MYH10: variants seen among roughly 807,000 people sequenced by gnomAD.
MYH10 encodes the protein myosin heavy chain 10.
In MYH10, 55 loss-of-function variants were observed where a neutral mutation model predicts 257.8. The observed-to-expected ratio is 0.21, with a 90% confidence interval of 0.17 to 0.27. The LOEUF (loss-of-function observed/expected upper bound fraction) is 0.27. Ranked by LOEUF, MYH10 falls within the 10% of genes least tolerant of loss-of-function variation. The pLI is 1.00. For synonymous variants in MYH10, 854 were observed against 921.7 expected, an observed-to-expected ratio of 0.93 and a Z score of 1.33; for missense variants, 1,631 against 2,500.6, an observed-to-expected ratio of 0.65 and a Z score of 7.42.
chr17:8,560,484 G>A (rs2082953047), intron 7 of MYH10: 2 of 503,974 alleles, frequency 4.0e-6, no homozygotes, highest in East Asian at 4.8e-5. Flanking sequence ...CAACGCCACT[G>A]TGTTCTTTTG....
intron 7 of MYH10, among the ~76,000 whole-genome samples, chr17:8,568,108 C>T (rs905692406): frequency 6.6e-6 from 1 of 152,128 alleles, no homozygotes; most frequent in Admixed American, 6.5e-5. Context: ...CCATCATCTT[C>T]GTTTGCTGGC....
chr17:8,494,999 G>A lies in MYH10; in HGVS notation c.4056+138C>T, dbSNP rs193078570. ...CCAGGGAGAAATCCCGAGTAGCAAG[G>A]CTGGCTCCAAATAAAAGTATGACAT... On this transcript the variant is annotated intron_variant, in intron 31 of 42. Transcript: ENST00000360416. 35 of 617,288 alleles carry A rather than the reference G, an allele frequency of 5.7e-5. No homozygotes were observed. In the East Asian group the frequency reaches 9.4e-4, roughly 17 times the overall value. The allele number at this position is 617,288 out of a possible 1,614,324, so 38.2% of individuals were successfully genotyped here.
chr17:8,537,716 G>T (rs539921327), intron 14 of MYH10, among the ~76,000 whole-genome samples: 2 of 152,260 alleles, frequency 1.3e-5, no homozygotes, highest in East Asian at 1.9e-4. Context: ...CCTAAATTCT[G>T]ACACAGTATC....
At chr17:8,542,427 T>G in intron 13 of MYH10, 147 bp from the exon 14 acceptor site, 1 of 677,764 alleles carries the variant, frequency 1.5e-6, no homozygotes, top group Non-Finnish European at 2.5e-6. Context: ...TGACAGTGAC[T>G]AAACCAAGGG....
chr17:8,519,023 G>T (rs2081566496), intron 19 of MYH10, 73 bp from the exon 20 acceptor site: 1 of 1,141,628 alleles, frequency 8.8e-7, no homozygotes, highest in African/African-American at 1.6e-5. Context: ...TGTGTGTTTT[G>T]CTCTAAGAGG....
At chr17:8,494,893 C>T (rs1324778977) in intron 31 of MYH10, among the ~76,000 whole-genome samples, 1 of 152,244 alleles carries the variant, frequency 6.6e-6, no homozygotes, top group East Asian at 1.9e-4. Context: ...CCGTGAATGG[C>T]AGCTGGAGCT....
At chr17:8,603,519 G>T (rs2152074019) in intron 3 of MYH10, among the ~76,000 whole-genome samples, 1 of 152,300 alleles carries the variant, frequency 6.6e-6, no homozygotes, top group Admixed American at 6.5e-5. Flanking sequence ...TCTCAATTGT[G>T]AGATGTTATC....
At chr17:8,478,777 CTGGGG>C (rs1567763108) in intron 40 of MYH10, among the ~76,000 whole-genome samples, 1 of 152,216 alleles carries the variant, frequency 6.6e-6, no homozygotes, top group East Asian at 1.9e-4. Flanking sequence ...GTCGCCCAGG[CTGGGG>C]TGCAGTGGCG....
chr17:8,511,004 C>G (rs2081249256), intron 24 of MYH10: 1 of 132,192 alleles, frequency 7.6e-6, no homozygotes, highest in Non-Finnish European at 1.6e-5. Context: ...ATCAAAACAT[C>G]TCATGTACCC....
rs146259486 is a variant in MYH10 at position 8,577,269 on chromosome 17, A to G, written c.600T>C (p.Ser200=). The change falls in exon 5 of 43, where the codon TCT becomes TCC. Residue 200 remains serine (S), a synonymous_variant. Transcript: ENST00000360416. ...TATGGTCCTTTCTTCCTTTATGTGAAGAAGCAACATGGGCAAGGTACTGAA... is the reference window on the plus strand; with the variant it reads ...TATGGTCCTTTCTTCCTTTATGTGAGGAAGCAACATGGGCAAGGTACTGAA... ...KVIQYLAHVA[S]SHKGRKDHNI... is the part of the protein sequence containing the mutation. 1.3e-5 allele frequency: 21 copies of G among 1,612,470 alleles called. No individual in the cohort carries two copies. The African/African-American group carries it at 2.5e-4, about 19-fold the overall frequency.
At chr17:8,530,496 C>G (rs2081977127) in intron 17 of MYH10, 127 bp downstream of exon 17, 1 of 606,296 alleles carries the variant, frequency 1.6e-6, no homozygotes, top group East Asian at 2.9e-5. Context: ...AAACAGAAAC[C>G]CAAAGCCCAC....
At chr17:8,510,669 T>A (rs185504324) in intron 24 of MYH10, among the ~76,000 whole-genome samples, 7 of 152,320 alleles carry the variant, frequency 4.6e-5, no homozygotes, top group African/African-American at 1.7e-4. Context: ...ACATGAATAA[T>A]GTAGTAGCAC....
intron 3 of MYH10, among the ~76,000 whole-genome samples, chr17:8,601,215 G>C (rs973278551): frequency 1.3e-5 from 2 of 152,230 alleles, no homozygotes; most frequent in African/African-American, 4.8e-5. Flanking sequence ...GGGTGGAACT[G>C]GGCTGGTGAG....
intron 1 of MYH10, 60 bp from the exon 2 acceptor site, chr17:8,623,337 T>C: frequency 7.0e-7 from 1 of 1,434,308 alleles, no homozygotes; most frequent in Non-Finnish European, 9.1e-7. Flanking sequence ...TGTACACGTT[T>C]TTCTTTTCTA....
At chr17:8,499,135 T>C (rs755688958) in intron 30 of MYH10, 135 bp downstream of exon 30, 1 of 735,884 alleles carries the variant, frequency 1.4e-6, no homozygotes, top group Non-Finnish European at 2.3e-6. Context: ...TAAGACTCGA[T>C]GTATTTACTG....
At chr17:8,588,814 G>A (rs572636413) in intron 4 of MYH10, among the ~76,000 whole-genome samples, 7 of 152,268 alleles carry the variant, frequency 4.6e-5, no homozygotes, top group African/African-American at 1.7e-4. Context: ...TTACTGAAAC[G>A]TCCAGTAGGC....
chr17:8,539,988 C>A (rs151255826), intron 14 of MYH10, among the ~76,000 whole-genome samples: 1 of 152,118 alleles, frequency 6.6e-6, no homozygotes, highest in Non-Finnish European at 1.5e-5. Context: ...TTCTACTTCA[C>A]TTATTTATTT....
intron 1 of MYH10, among the ~76,000 whole-genome samples, chr17:8,626,191 C>T (rs1257005563): frequency 1.3e-5 from 2 of 152,186 alleles, no homozygotes; most frequent in Non-Finnish European, 2.9e-5. Context: ...TTCTGCATAA[C>T]AGTTTTAAAA....
chr17:8,482,505 C>T (rs1461690110), intron 37 of MYH10, among the ~76,000 whole-genome samples: 2 of 152,210 alleles, frequency 1.3e-5, no homozygotes, highest in African/African-American at 4.8e-5. Context: ...ACAGCTCTAC[C>T]ATCTGGCCTC....
Sources: gnomAD v4.1 joint callset for allele counts (sites outside exome capture counted in the v4.1 genomes callset) on GRCh38, gnomAD v4.1.1 for gene constraint, MANE v1.5 for transcripts, NCBI Gene and HGNC (gene_info 2026-07-23, HGNC 2026-07-21) for gene names.